The following ACMSD variants were observed in gnomAD, a reference collection of about 807,000 sequenced individuals.
ACMSD encodes 2-amino-3-carboxymuconate-6-semialdehyde decarboxylase.
In ACMSD, 37 loss-of-function variants were observed where a neutral mutation model predicts 45.9. The observed-to-expected ratio is 0.81, with a 90% CI of 0.62 to 1.06. ACMSD has a LOEUF of 1.06. Among genes scored for constraint, ACMSD ranks in the 50% least tolerant of loss-of-function variants. The pLI is 0.00. For missense variants in ACMSD, 434 were observed against 420.9 expected (o/e 1.03, Z -0.27); for synonymous variants, 138 against 148.8 (o/e 0.93, Z 0.53).
In ACMSD at chr2:134,859,247, G is replaced by A; in HGVS notation, c.103-14G>A. On this transcript the variant is annotated splice_polypyrimidine_tract_variant and intron_variant, in intron 2 of 9. Transcript: ENST00000356140. Reference sequence around the variant, plus strand: ...CTTAGGTTGCATTTTAGTAATGTGGGTTTTCTGCCCCAGGGAGAAGCAAAG... The same window carrying A: ...CTTAGGTTGCATTTTAGTAATGTGGATTTTCTGCCCCAGGGAGAAGCAAAG... 1 of 1,613,232 alleles carries A rather than the reference G, an allele frequency of 6.2e-7. No individual in the cohort carries two copies.
intron 2 of ACMSD, among the ~76,000 whole-genome samples, chr2:134,849,703 C>T (rs187927260): frequency 1.5e-3 from 235 of 152,304 alleles, no homozygotes; most frequent in South Asian, 7.1e-3. Flanking sequence ...TTTGTCATGG[C>T]AAAGCCTTGC....
intron 8 of ACMSD, among the ~76,000 whole-genome samples, chr2:134,882,775 G>GA (rs1689111353): frequency 6.6e-6 from 1 of 152,116 alleles, no homozygotes; most frequent in African/African-American, 2.4e-5. Context: ...TTTTCCAGAA[G>GA]AAAAAATGAA....
At chr2:134,864,455 T>G (rs552741290) in intron 5 of ACMSD, among the ~76,000 whole-genome samples, 21 of 152,294 alleles carry the variant, frequency 1.4e-4, no homozygotes, top group African/African-American at 5.1e-4. Context: ...GATATACATA[T>G]ATCTATATTT....
At chr2:134,859,026 G>T (rs942564121) in intron 2 of ACMSD, among the ~76,000 whole-genome samples, 2 of 149,278 alleles carry the variant, frequency 1.3e-5, no homozygotes, top group Non-Finnish European at 3.0e-5. Flanking sequence ...CCTCAACCTT[G>T]CTATCTCTGT....
chr2:134,873,733 G>A (rs1688587086), intron 8 of ACMSD: 1 of 152,204 alleles, frequency 6.6e-6, no homozygotes, highest in Non-Finnish European at 1.5e-5. Context: ...GTGCCTCTGA[G>A]TTGTTTAGCT....
chr2:134,890,196 A>G (rs1395573315), intron 8 of ACMSD, among the ~76,000 whole-genome samples: 1 of 152,100 alleles, frequency 6.6e-6, no homozygotes, highest in African/African-American at 2.4e-5. Flanking sequence ...CTAAATAATC[A>G]AAATTACCAA....
chr2:134,880,478 C>A lies in ACMSD; in HGVS notation c.849+7837C>A, dbSNP rs139291382. On this transcript the variant is annotated intron_variant, in intron 8 of 9. Coordinates refer to ENST00000356140, the MANE Select transcript of ACMSD (RefSeq NM_138326.3). ...CTATTTTTGTTTTCTGTCTTACATA[C>A]CACCTCTTTGAACTTTCGTTTTACT... Among the ~76,000 whole-genome samples the A allele has an allele frequency of 1.1e-3, 172 of 152,160 alleles. 5 individuals are homozygous for A. The Middle Eastern group carries it at 0.041, about 36-fold the overall frequency.
rs183023366 is a variant in ACMSD, at chr2:134,848,604, C to T, written c.102+3327C>T. ...TTGAGAAGTGTCTGTTCATATCCTT[C>T]GCCCACTTTTTGATGGGGTTGTTTT... On this transcript the variant is annotated intron_variant, in intron 2 of 9. Coordinates refer to ENST00000356140, the MANE Select transcript of ACMSD (RefSeq NM_138326.3). Among the ~76,000 whole-genome samples, 649 of 152,188 alleles carry T rather than the reference C, an allele frequency of 4.3e-3. 7 individuals are homozygous for T. Among genetic ancestry groups the T allele is most frequent in the African/African-American group, 0.015 (611 of 41,532 alleles).
At chr2:134,845,410 A>C (rs1553508436) in intron 2 of ACMSD, 133 bp downstream of exon 2, 2 of 898,480 alleles carry the variant, frequency 2.2e-6, no homozygotes, top group Non-Finnish European at 3.6e-6. Context: ...AGACAAGGGA[A>C]CAGCACTGAG....
At chr2:134,876,312 T>A (rs1688728849) in intron 8 of ACMSD, among the ~76,000 whole-genome samples, 1 of 152,222 alleles carries the variant, frequency 6.6e-6, no homozygotes, top group African/African-American at 2.4e-5. Flanking sequence ...CTTTTTAAAA[T>A]TTTTTAAACT....
At position 134,885,344 on chromosome 2, in the gene ACMSD, TATATA is replaced by T. The variant is rs1242529469; in HGVS notation, c.849+12709_849+12713del. Among the ~76,000 whole-genome samples, 25 of 105,230 alleles carry T rather than the reference TATATA, an allele frequency of 2.4e-4. 1 individual carries two copies. The highest frequency in any genetic ancestry group is 9.1e-4 in the African/African-American group (23 of 25,340). 69.0% of individuals were successfully genotyped at this position (105,230 alleles called of 152,430 possible). A position where few individuals can be genotyped will look rare whatever the true frequency, so the allele number is the denominator to read the frequency against. ...AAATATATATGTAAATATATATTTA[TATATA>T]ATATATATTTACATATATATTATAT... On this transcript the variant is annotated intron_variant, in intron 8 of 9. Transcript: ENST00000356140.
chr2:134,863,126 C>G, intron 4 of ACMSD: 1 of 861,782 alleles, frequency 1.2e-6, no homozygotes, highest in Non-Finnish European at 1.4e-6. Context: ...GTTGGGATAC[C>G]ATGCCAGTAA....
chr2:134,853,284 G>T (rs1437973690), intron 2 of ACMSD, among the ~76,000 whole-genome samples: 1 of 151,668 alleles, frequency 6.6e-6, no homozygotes, highest in Non-Finnish European at 1.5e-5. Context: ...ATTAGAATTA[G>T]AACTTAAAAG....
chr2:134,840,473 TGGTATTA>T (rs1686756779), intron 1 of ACMSD, among the ~76,000 whole-genome samples: 1 of 152,226 alleles, frequency 6.6e-6, no homozygotes, highest in African/African-American at 2.4e-5. Flanking sequence ...CACAAGGCAA[TGGTATTA>T]GGAGATGCAG....
chr2:134,896,320 T>C (rs1427276776), intron 8 of ACMSD, among the ~76,000 whole-genome samples: 1 of 152,176 alleles, frequency 6.6e-6, no homozygotes. Context: ...CATCAAAATT[T>C]AAAACTTTTG....
At chr2:134,868,897 C>T (rs1341983624) in intron 6 of ACMSD, 2 of 152,166 alleles carry the variant, frequency 1.3e-5, no homozygotes, top group Non-Finnish European at 2.9e-5. Flanking sequence ...ATTTTAGTTT[C>T]AATTTAGTCT....
At chr2:134,898,561 AAACT>A (rs1023708856) in intron 9 of ACMSD, 122 bp downstream of exon 9, 2 of 536,078 alleles carry the variant, frequency 3.7e-6, no homozygotes, top group Non-Finnish European at 6.3e-6. Flanking sequence ...GAATTCCCTA[AAACT>A]ATTACTCTAT....
rs201210695 is a variant in ACMSD, at chr2:134,898,420, A to C, written c.929A>C (p.Glu310Ala). The C allele has an allele frequency of 6.9e-6, 11 of 1,596,196 alleles. No individual in the cohort carries two copies. In the Admixed American group the frequency reaches 1.1e-4, roughly 15 times the overall value. ...GGGAAACTAATAGAGTCCATGGAAG[A>C]ATTTGATGAAGAAACAAAGGTATAA... is the stretch of plus-strand genomic sequence containing the variant. ...EPGKLIESME[E>A]FDEETKNKLK... Residue 310 changes from glutamate (E) to alanine (A), a missense_variant, in exon 9 of 10, where the codon GAA (glutamate) becomes GCA (alanine). By Grantham distance (107) the Glu-to-Ala change is moderately radical. Coordinates refer to ENST00000356140, the MANE Select transcript of ACMSD (RefSeq NM_138326.3).
chr2:134,851,603 C>A (rs1032848473), intron 2 of ACMSD, among the ~76,000 whole-genome samples: 2 of 152,066 alleles, frequency 1.3e-5, no homozygotes, highest in Admixed American at 6.6e-5. Flanking sequence ...GCACCATATC[C>A]GGCTAATTTT....
Sources: allele counts gnomAD v4.1 joint callset (sites outside exome capture counted in the v4.1 genomes callset), GRCh38; gene constraint gnomAD v4.1.1; transcripts MANE v1.5; gene names NCBI Gene and HGNC (gene_info 2026-07-23, HGNC 2026-07-21).